Variants in PLEKHA4 observed in about 807,000 individuals in gnomAD.
PLEKHA4 encodes pleckstrin homology domain-containing family A member 4.
In PLEKHA4, 73 loss-of-function variants were observed where a neutral mutation model predicts 94.7. That is an observed-to-expected ratio of 0.77 (90% CI 0.64 to 0.94). PLEKHA4 has a LOEUF of 0.94. PLEKHA4 is among the 40% of genes least tolerant of loss of function. PLEKHA4 has a pLI of 0.00. For synonymous variants in PLEKHA4, 449 were observed against 437.1 expected (o/e 1.03, Z -0.34); for missense variants, 1,049 against 1,054.1 (o/e 1.00, Z 0.07).
In PLEKHA4 at chr19:48,861,637, C is replaced by T; in HGVS notation, c.248G>A (p.Cys83Tyr). 1.9e-6 allele frequency: 3 copies of T among 1,614,190 alleles called. No homozygotes were observed. The South Asian group carries it at 3.3e-5, about 18-fold the overall frequency. The change falls in exon 4 of 20, where the codon TGC (cysteine) becomes TAC (tyrosine). Residue 83 changes from cysteine to tyrosine, a missense_variant. By Grantham distance (194) the Cys-to-Tyr change is radical. Transcript: ENST00000263265. Reference protein sequence around the residue: ...KRRWFVLSGHCLFYYKDSREE... With the variant: ...KRRWFVLSGHYLFYYKDSREE... The stretch of plus-strand genomic sequence containing the variant: ...CCACTGACCCTTGTAATAAAAGAGG[C>T]AATGGCCGGAGAGGACGAACCAGCG...
chr19:48,857,240 T>C (rs1425616961), intron 9 of PLEKHA4, among the ~76,000 whole-genome samples, 182 bp downstream of exon 9: 1 of 152,140 alleles, frequency 6.6e-6, no homozygotes. Context: ...CGCAAGATAA[T>C]CCATTTCTGT....
At position 48,867,763 on chromosome 19, in the gene PLEKHA4, A is replaced by G. The variant is rs1568558748; in HGVS notation, c.-6-137T>C. On this transcript the variant is annotated intron_variant, in intron 1 of 19. Coordinates refer to ENST00000263265, the MANE Select transcript of PLEKHA4 (RefSeq NM_020904.3). This position sits in a 1 kb window ranked among gnomAD's most constrained non-coding sequence, Gnocchi z 4.7. ...GGGACTTGGGGGGCTGGGGGAGGCC[A>G]TGGCCCGTGACCACATACCAAGAGT... The G allele has an allele frequency of 4.9e-6, 4 of 808,164 alleles. No homozygotes were observed. The East Asian group carries it at 8.1e-5, about 16-fold the overall frequency. 50.1% of individuals were successfully genotyped at this position (808,164 alleles called of 1,614,324 possible).
chr19:48,848,945 G>T (rs1393058853), intron 13 of PLEKHA4, among the ~76,000 whole-genome samples: 1 of 152,126 alleles, frequency 6.6e-6, no homozygotes, highest in Non-Finnish European at 1.5e-5. Flanking sequence ...TGTCACCCAG[G>T]CTGGCGTGCA....
In PLEKHA4 at chr19:48,859,490, A is replaced by T. The variant is rs752896167; in HGVS notation, c.671T>A (p.Met224Lys). The change falls in exon 7 of 20, where the codon ATG becomes AAG. Residue 224 changes from methionine to lysine, a missense_variant. By Grantham distance (95) the Met-to-Lys change is moderately conservative. Coordinates refer to ENST00000263265, the MANE Select transcript of PLEKHA4 (RefSeq NM_020904.3). ...TCACTCGGGGCTCCTCGCCCTCCGC[A>T]TCTGGAGTCCAGAGTGGAGGTCGGT... ...PTTDLHSGLQ[M>K]RRARSPDLFT... 3.7e-6 allele frequency: 6 copies of T among 1,613,754 alleles called. No homozygotes were observed. The East Asian group carries it at 1.3e-4, about 36-fold the overall frequency.
In PLEKHA4 at chr19:48,837,569, G is replaced by C; in HGVS notation, c.2078-18C>G. 1.2e-6 allele frequency: 2 copies of C among 1,612,894 alleles called. No individual in the cohort carries two copies. Among genetic ancestry groups the C allele is most frequent in the Non-Finnish European group, 1.7e-6 (2 of 1,179,650 alleles). On this transcript the variant is annotated intron_variant, in intron 19 of 19. Coordinates refer to ENST00000263265, the MANE Select transcript of PLEKHA4 (RefSeq NM_020904.3). This position sits in a 1 kb window ranked among gnomAD's most constrained non-coding sequence, Gnocchi z 4.3. ...ATTTCCACCTGGAGAGGATGAGTGG[G>C]ACATGAGAATGGCAAACCTCAGCGC...
rs2035592380 is a variant in PLEKHA4 at position 48,837,752 on chromosome 19, GGATACGCCAGTCCAGTCCTCTTT to G, written c.2078-224_2078-202del. Among the ~76,000 whole-genome samples the G allele has an allele frequency of 1.4e-5, 2 of 148,014 alleles. No individual in the cohort carries two copies. Among genetic ancestry groups the G allele is most frequent in the South Asian group, 2.1e-4 (1 of 4,678 alleles). On this transcript the variant is annotated intron_variant, in intron 19 of 19. Transcript: ENST00000263265. This position sits in a 1 kb window ranked among gnomAD's most constrained non-coding sequence, Gnocchi z 4.3. ...CCTCCTCCCTCAGATCCAGGAGTCT[GGATACGCCAGTCCAGTCCTCTTT>G]GAGACTCAGTTGTCGGCCCTCTCCC...
chr19:48,837,968 A>C lies in PLEKHA4; in HGVS notation c.2077+49T>G. The C allele has an allele frequency of 6.8e-7, 1 of 1,472,142 alleles. No homozygotes were observed. The highest frequency in any genetic ancestry group is 1.1e-5 in the South Asian group (1 of 87,182). 91.2% of individuals were successfully genotyped at this position (1,472,142 alleles called of 1,614,324 possible). The stretch of plus-strand genomic sequence containing the variant: ...CCAGGACCTGGGATTCCAGGTCTCC[A>C]GCTCTCTCCTCCCTAAAACCCAGAA... On this transcript the variant is annotated intron_variant, in intron 19 of 19. Transcript: ENST00000263265. This position sits in a 1 kb window ranked among gnomAD's most constrained non-coding sequence, Gnocchi z 4.3.
At chr19:48,839,339 G>A in intron 17 of PLEKHA4, 76 bp from the exon 18 acceptor site, 1 of 1,011,198 alleles carries the variant, frequency 9.9e-7, no homozygotes, top group Admixed American at 2.6e-5. Context: ...AGTGAAGGGG[G>A]CTCCAAAAGA....
At chr19:48,838,258 C>A in intron 18 of PLEKHA4, 129 bp from the exon 19 acceptor site, 2 of 530,760 alleles carry the variant, frequency 3.8e-6, no homozygotes, top group Non-Finnish European at 6.9e-6. Flanking sequence ...TGACTATAGT[C>A]AATAATAATT....
intron 3 of PLEKHA4, among the ~76,000 whole-genome samples, chr19:48,862,966 C>CAATT (rs1222119819): frequency 6.6e-6 from 1 of 152,140 alleles, no homozygotes; most frequent in Non-Finnish European, 1.5e-5. Flanking sequence ...AGACTTAGTC[C>CAATT]AATTATTCTG....
At chr19:48,838,534 C>A (rs1015966994) in intron 18 of PLEKHA4, among the ~76,000 whole-genome samples, 2 of 149,546 alleles carry the variant, frequency 1.3e-5, no homozygotes, top group Non-Finnish European at 3.0e-5. Flanking sequence ...GAGGCCGAGG[C>A]GGGCGGATCA....
At chr19:48,848,449 G>A (rs2036053778) in intron 13 of PLEKHA4, among the ~76,000 whole-genome samples, 1 of 142,822 alleles carries the variant, frequency 7.0e-6, no homozygotes, top group African/African-American at 2.7e-5. Context: ...TCCCGCCACT[G>A]CACTCCAGCC....
chr19:48,865,870 C>T (rs554572979), intron 2 of PLEKHA4, among the ~76,000 whole-genome samples: 3 of 151,762 alleles, frequency 2.0e-5, no homozygotes, highest in South Asian at 4.2e-4. Context: ...AAAAATTAGC[C>T]GGGCGTGGTG....
Position 48,841,274 on chromosome 19 carries a change from G to A in PLEKHA4, c.1780C>T (p.Gln594Ter), listed in dbSNP as rs143398030. 1.2e-6 allele frequency: 2 copies of A among 1,613,368 alleles called. No individual in the cohort carries two copies. Among genetic ancestry groups the A allele is most frequent in the African/African-American group, 1.3e-5 (1 of 75,048 alleles). The change falls in exon 17 of 20, where the codon CAG becomes TAG. Residue 594 changes from glutamine (Q) to a stop codon, truncating the protein, a stop_gained. Transcript: ENST00000263265. LOFTEE classifies it high-confidence loss of function. Reference protein sequence around the residue: ...VARPRMSAQEQLERMRRNQEC... With the variant: ...VARPRMSAQE Reference sequence around the variant, plus strand: ...TGGTTTCTGCGCATCCGCTCCAGCTGCTCCTGGGCACTCATCCGGGGCCGG... The same window carrying A: ...TGGTTTCTGCGCATCCGCTCCAGCTACTCCTGGGCACTCATCCGGGGCCGG...
chr19:48,865,110 G>A lies in PLEKHA4; in HGVS notation c.192+393C>T, dbSNP rs374825357. ...TGTAATCCCAGCATTTTAGGGAGCCGAGGCGGGTGGATCACTTGAGGTCGG... is the reference window on the plus strand; with the variant it reads ...TGTAATCCCAGCATTTTAGGGAGCCAAGGCGGGTGGATCACTTGAGGTCGG... On this transcript the variant is annotated intron_variant, in intron 3 of 19. Transcript: ENST00000263265. 1.8e-4 allele frequency among the ~76,000 whole-genome samples: 27 copies of A among 152,218 alleles called. 1 individual carries two copies. The South Asian group carries it at 2.3e-3, about 13-fold the overall frequency.
chr19:48,838,056 G>A lies in PLEKHA4; in HGVS notation c.2038C>T (p.Leu680=). 6.2e-7 allele frequency: 1 copy of A among 1,613,836 alleles called. No homozygotes were observed. Among genetic ancestry groups the A allele is most frequent in the Non-Finnish European group, 8.5e-7 (1 of 1,179,944 alleles). ...RERVLSLSQA[L]ATEASQWHRM... is the part of the protein sequence containing the mutation. ...TGCCACTGCGACGCCTCAGTAGCCA[G>A]GGCTTGGGAGAGGCTGAGAACCCGC... The change falls in exon 19 of 20, where the codon CTG becomes TTG. Residue 680 remains leucine (L), a synonymous_variant. Coordinates refer to ENST00000263265, the MANE Select transcript of PLEKHA4 (RefSeq NM_020904.3).
intron 17 of PLEKHA4, 126 bp downstream of exon 17, chr19:48,841,021 GGT>G (rs2122889076): frequency 1.3e-5 from 13 of 968,466 alleles, no homozygotes; most frequent in Non-Finnish European, 2.0e-5. Context: ...TACAAACTGG[GGT>G]AAATTCGGAA....
chr19:48,843,933 C>G (rs969196750), intron 16 of PLEKHA4, among the ~76,000 whole-genome samples: 19 of 151,774 alleles, frequency 1.3e-4, no homozygotes, highest in African/African-American at 3.6e-4. Flanking sequence ...GCTGGGATTA[C>G]AGGTGTGAGC....
chr19:48,842,146 T>TA (rs1182537300), intron 16 of PLEKHA4, among the ~76,000 whole-genome samples: 1 of 144,998 alleles, frequency 6.9e-6, no homozygotes, highest in East Asian at 2.0e-4. Flanking sequence ...TTATTTTCTT[T>TA]TTTTTTTTTT....
Sources: allele counts gnomAD v4.1 joint callset (sites outside exome capture counted in the v4.1 genomes callset), GRCh38; gene constraint gnomAD v4.1.1; non-coding constraint Gnocchi (gnomAD v3.1); transcripts MANE v1.5; gene names NCBI Gene and HGNC (gene_info 2026-07-23, HGNC 2026-07-21).